The following CCSER2 variants were observed in gnomAD, a reference collection of about 807,000 sequenced individuals.
CCSER2 encodes the protein serine-rich coiled-coil domain-containing protein 2.
A neutral mutation model predicts 92.3 loss-of-function variants in CCSER2; 46 were observed. The observed-to-expected ratio is 0.50, with a 90% confidence interval of 0.39 to 0.64. The LOEUF is 0.64. CCSER2 is among the 30% of genes least tolerant of loss of function. The pLI is 0.00. For synonymous variants in CCSER2, 433 were observed against 431.4 expected (o/e 1.00, Z -0.04); for missense variants, 1,244 against 1,238.9 (o/e 1.00, Z -0.06).
At chr10:84,334,904 G>A (rs1843747558) in intron 1 of CCSER2, among the ~76,000 whole-genome samples, 1 of 152,064 alleles carries the variant, frequency 6.6e-6, no homozygotes, top group Admixed American at 6.6e-5. Flanking sequence ...TTCTGTCCTT[G>A]ATAAGGACAG....
At chr10:84,426,813 A>G (rs1843460421) in intron 5 of CCSER2, among the ~76,000 whole-genome samples, 1 of 152,234 alleles carries the variant, frequency 6.6e-6, no homozygotes, top group Non-Finnish European at 1.5e-5. Flanking sequence ...TTATTACAAC[A>G]TATACAGTAC....
chr10:84,335,316 C>A (rs770823792), intron 1 of CCSER2, among the ~76,000 whole-genome samples: 2 of 144,790 alleles, frequency 1.4e-5, no homozygotes, highest in Non-Finnish European at 3.0e-5. Context: ...GCAGCCTTGA[C>A]CTCCTGGGCT....
At chr10:84,494,773 G>A (rs928676239) in intron 9 of CCSER2, among the ~76,000 whole-genome samples, 6 of 152,234 alleles carry the variant, frequency 3.9e-5, no homozygotes, top group Middle Eastern at 6.8e-3. Flanking sequence ...GACAAAAGGC[G>A]ATATTTGGGA....
In CCSER2 at chr10:84,441,736, G is replaced by GTTTTTTTTTTTTTTTT. The variant is rs869280119; in HGVS notation, c.2064+3054_2064+3069dup. 1.6e-4 allele frequency among the ~76,000 whole-genome samples: 7 copies of GTTTTTTTTTTTTTTTT among 43,646 alleles called. 2 individuals carry two copies. Among genetic ancestry groups the GTTTTTTTTTTTTTTTT allele is most frequent in the South Asian group, 7.7e-4 (1 of 1,298 alleles). 28.6% of individuals were successfully genotyped at this position (43,646 alleles called of 152,430 possible). ...GAATAAAGTAGAAGACTGGGAAAAT[G>GTTTTTTTTTTTTTTTT]TTTTTTTTTTTTTTTTTTTTTTTTT... On this transcript the variant is annotated intron_variant, in intron 6 of 9. Transcript: ENST00000372088.
chr10:84,484,420 T>A (rs1847679117), intron 9 of CCSER2, among the ~76,000 whole-genome samples: 1 of 152,172 alleles, frequency 6.6e-6, no homozygotes, highest in East Asian at 1.9e-4. Context: ...CCCAGCCAAA[T>A]GTCCTGATTT....
At chr10:84,367,039 AGGTTATCCAGT>A (rs1845809069) in intron 1 of CCSER2, among the ~76,000 whole-genome samples, 1 of 152,196 alleles carries the variant, frequency 6.6e-6, no homozygotes, top group Non-Finnish European at 1.5e-5. Flanking sequence ...TTTCTTTGGA[AGGTTATCCAGT>A]TATTTCCTTT....
chr10:84,501,759 A>G (rs559676178), intron 9 of CCSER2, among the ~76,000 whole-genome samples: 1 of 119,198 alleles, frequency 8.4e-6, no homozygotes, highest in East Asian at 2.4e-4. Context: ...ACTTCTTTGC[A>G]TCTTCAGATT....
rs1013795236 is a variant in CCSER2, at chr10:84,460,602, A to AT, written c.2065-3318dup. Among the ~76,000 whole-genome samples the AT allele has an allele frequency of 5.8e-3, 819 of 142,182 alleles. 6 individuals are homozygous for AT. Among genetic ancestry groups the AT allele is most frequent in the African/African-American group, 0.014 (564 of 38,922 alleles). The allele number at this position is 142,182 out of a possible 152,430, so 93.3% of individuals were successfully genotyped here. On this transcript the variant is annotated intron_variant, in intron 6 of 9. Transcript: ENST00000372088. ...TTGCCAGTAAAACATCTGGCCTCAG[A>AT]TTTTTTTTTTTTTAGTGAGAGGCTT...
At chr10:84,451,263 T>G (rs563761026) in intron 6 of CCSER2, among the ~76,000 whole-genome samples, 30 of 150,578 alleles carry the variant, frequency 2.0e-4, no homozygotes, top group African/African-American at 5.6e-4. Context: ...GGTTTTTTTT[T>G]TTTGTTTTTT....
At chr10:84,483,998 A>ATATATT (rs1564711769) in intron 9 of CCSER2, among the ~76,000 whole-genome samples, 3 of 55,278 alleles carry the variant, frequency 5.4e-5, no homozygotes, top group East Asian at 4.4e-4. Context: ...TATATATATA[A>ATATATT]TTTTTTTTTT....
intron 3 of CCSER2, among the ~76,000 whole-genome samples, chr10:84,387,428 C>G (rs142020845): frequency 6.6e-6 from 1 of 152,194 alleles, no homozygotes; most frequent in Non-Finnish European, 1.5e-5. Flanking sequence ...TTACTCCTTT[C>G]TTCGTACGTC....
At chr10:84,401,223 G>T (rs1842099948) in intron 3 of CCSER2, among the ~76,000 whole-genome samples, 1 of 151,986 alleles carries the variant, frequency 6.6e-6, no homozygotes, top group Admixed American at 6.6e-5. Context: ...GAGATTAATG[G>T]AATTAAAAGC....
intron 1 of CCSER2, among the ~76,000 whole-genome samples, chr10:84,331,286 C>G (rs1292898032): frequency 6.6e-6 from 1 of 152,154 alleles, no homozygotes; most frequent in Non-Finnish European, 1.5e-5. Context: ...TGCAAATCTG[C>G]TTGCACTTTC....
intron 1 of CCSER2, among the ~76,000 whole-genome samples, chr10:84,338,845 TATTA>T (rs1843998360): frequency 6.6e-6 from 1 of 152,222 alleles, no homozygotes; most frequent in African/African-American, 2.4e-5. Flanking sequence ...TGAAAGCACA[TATTA>T]CAGTTATAGC....
intron 3 of CCSER2, among the ~76,000 whole-genome samples, chr10:84,381,179 T>C (rs953361252): frequency 1.3e-5 from 2 of 152,194 alleles, no homozygotes; most frequent in Non-Finnish European, 2.9e-5. Context: ...TTAAATGAGG[T>C]CATATATATA....
intron 8 of CCSER2, among the ~76,000 whole-genome samples, chr10:84,477,183 A>G (rs1323756457): frequency 1.3e-5 from 2 of 152,216 alleles, no homozygotes; most frequent in Non-Finnish European, 2.9e-5. Flanking sequence ...TATACATAAA[A>G]TCATATATTG....
At chr10:84,390,052 G>A (rs941648021) in intron 3 of CCSER2, among the ~76,000 whole-genome samples, 1 of 152,120 alleles carries the variant, frequency 6.6e-6, no homozygotes, top group Non-Finnish European at 1.5e-5. Flanking sequence ...ATCTTCAGTG[G>A]TGAGAGCTAG....
At chr10:84,490,359 C>A (rs562237521) in intron 9 of CCSER2, among the ~76,000 whole-genome samples, 1 of 152,178 alleles carries the variant, frequency 6.6e-6, no homozygotes, top group Non-Finnish European at 1.5e-5. Context: ...CCATTCTCCC[C>A]GTCACTTTCA....
At chr10:84,344,707 G>A (rs185740081) in intron 1 of CCSER2, among the ~76,000 whole-genome samples, 2 of 152,290 alleles carry the variant, frequency 1.3e-5, no homozygotes, top group Admixed American at 6.5e-5. Flanking sequence ...ACTTTGGTAA[G>A]GAGTCCTGAA....
Sources: allele counts gnomAD v4.1 joint callset (sites outside exome capture counted in the v4.1 genomes callset), GRCh38; gene constraint gnomAD v4.1.1; transcripts MANE v1.5; gene names NCBI Gene and HGNC (gene_info 2026-07-23, HGNC 2026-07-21).